Variants in RGS7 observed in about 807,000 individuals in gnomAD.
RGS7 encodes regulator of G protein signaling 7, also known as regulator of G-protein signaling 7.
In RGS7, 27 loss-of-function variants were observed where a neutral mutation model predicts 81.1. The observed-to-expected ratio is 0.33, with a 90% CI of 0.25 to 0.46. The LOEUF (loss-of-function observed/expected upper bound fraction) is 0.46, where lower values mean the gene tolerates loss of function less well. Among genes scored for constraint, RGS7 ranks in the 20% least tolerant of loss-of-function variants. The pLI is 1.00. For synonymous variants in RGS7, 208 were observed against 207.7 expected (o/e 1.00, Z -0.01); for missense variants, 396 against 607.4 (o/e 0.65, Z 3.66).
At chr1:241,110,167 T>C (rs2065418039) in intron 2 of RGS7, among the ~76,000 whole-genome samples, 2 of 152,192 alleles carry the variant, frequency 1.3e-5, no homozygotes, top group Middle Eastern at 3.2e-3. Context: ...TTATCTCTTT[T>C]TACAACCTTT....
intron 2 of RGS7, among the ~76,000 whole-genome samples, chr1:241,340,476 T>C: frequency 6.6e-6 from 1 of 152,142 alleles, no homozygotes; most frequent in East Asian, 1.9e-4. Flanking sequence ...CCTTAAAGAA[T>C]TTATAAGATT....
In RGS7 at chr1:241,090,703, A is replaced by G. The variant is rs534042329; in HGVS notation, c.175+7963T>C. Among the ~76,000 whole-genome samples, 38 of 152,352 alleles carry G rather than the reference A, an allele frequency of 2.5e-4. No individual in the cohort carries two copies. The South Asian group carries it at 7.9e-3, about 32-fold the overall frequency. On this transcript the variant is annotated intron_variant, in intron 3 of 18. Transcript: ENST00000440928. ...CTGGGTTCTCTGAATTATAGAATTTATGCAGAAAACAAACTTGGAGATCAT... is the reference window on the plus strand; with the variant it reads ...CTGGGTTCTCTGAATTATAGAATTTGTGCAGAAAACAAACTTGGAGATCAT...
chr1:241,333,509 G>A (rs541660247), intron 2 of RGS7, among the ~76,000 whole-genome samples: 7 of 152,120 alleles, frequency 4.6e-5, no homozygotes, highest in Non-Finnish European at 8.8e-5. Context: ...TTATAATCTT[G>A]GCTAAGTCTG....
intron 3 of RGS7, among the ~76,000 whole-genome samples, chr1:241,060,351 T>C (rs1042952927): frequency 4.6e-5 from 7 of 152,236 alleles, no homozygotes; most frequent in Admixed American, 4.6e-4. Context: ...AGATTGGGCA[T>C]ATCACTGTTA....
intron 6 of RGS7, among the ~76,000 whole-genome samples, chr1:240,871,664 C>G (rs2148035806): frequency 6.6e-6 from 1 of 152,264 alleles, no homozygotes; most frequent in African/African-American, 2.4e-5. Context: ...ATGCTCACTC[C>G]CGAAGGATCT....
intron 2 of RGS7, among the ~76,000 whole-genome samples, chr1:241,301,637 T>C (rs1189755240): frequency 2.0e-5 from 3 of 152,212 alleles, no homozygotes; most frequent in African/African-American, 4.8e-5. Context: ...TCATTAAAAA[T>C]TGTGAATTTA....
At chr1:240,812,777 A>G (rs1690093430) in intron 13 of RGS7, among the ~76,000 whole-genome samples, 1 of 152,156 alleles carries the variant, frequency 6.6e-6, no homozygotes, top group Non-Finnish European at 1.5e-5. Flanking sequence ...ATGCAGGTAT[A>G]TTGAACTGGG....
chr1:241,011,788 T>C (rs566009825), intron 3 of RGS7, among the ~76,000 whole-genome samples: 71 of 152,278 alleles, frequency 4.7e-4, no homozygotes, highest in African/African-American at 1.6e-3. Flanking sequence ...TTACAAAACA[T>C]AGTAATTAAG....
intron 10 of RGS7, among the ~76,000 whole-genome samples, chr1:240,826,412 G>A (rs955181073): frequency 3.3e-5 from 5 of 152,096 alleles, no homozygotes; most frequent in African/African-American, 9.7e-5. Flanking sequence ...GATGGCTAAC[G>A]AAATACTAAG....
At chr1:241,106,324 AT>A (rs2065093218) in intron 2 of RGS7, among the ~76,000 whole-genome samples, 1 of 152,180 alleles carries the variant, frequency 6.6e-6, no homozygotes, top group Non-Finnish European at 1.5e-5. Flanking sequence ...AAAAACTGCC[AT>A]TTTCATGAAT....
At chr1:240,972,141 A>G (rs930477969) in intron 4 of RGS7, among the ~76,000 whole-genome samples, 5 of 152,216 alleles carry the variant, frequency 3.3e-5, no homozygotes, top group Admixed American at 2.0e-4. Flanking sequence ...ACATTATGTA[A>G]TGTACCTTTG....
At position 240,936,581 on chromosome 1, in the gene RGS7, A is replaced by G. The variant is rs1676674191; in HGVS notation, c.333+19T>C. On this transcript the variant is annotated intron_variant, in intron 5 of 18. Coordinates refer to ENST00000440928, the MANE Select transcript of RGS7 (RefSeq NM_001364886.1). ...CGGGCTTCTAGTTTACTGTTAAAGA[A>G]CATTTCTAATAAACTTACTTGAAAC... 1 of 1,572,250 alleles carries G rather than the reference A, an allele frequency of 6.4e-7. No individual in the cohort carries two copies. The highest frequency in any genetic ancestry group is 1.3e-5 in the African/African-American group (1 of 74,236).
At chr1:241,055,746 G>A (rs1193423990) in intron 3 of RGS7, among the ~76,000 whole-genome samples, 2 of 152,150 alleles carry the variant, frequency 1.3e-5, no homozygotes, top group East Asian at 1.9e-4. Context: ...TCCCCCATAA[G>A]TGGGGAGTGG....
intron 2 of RGS7, among the ~76,000 whole-genome samples, chr1:241,245,600 A>T (rs1209484599): frequency 6.6e-6 from 1 of 151,966 alleles, no homozygotes; most frequent in Non-Finnish European, 1.5e-5. Context: ...TGAGGTCAGG[A>T]GTTCAAGACC....
intron 2 of RGS7, among the ~76,000 whole-genome samples, chr1:241,116,514 G>A (rs2065895421): frequency 6.6e-6 from 1 of 152,060 alleles, no homozygotes; most frequent in Non-Finnish European, 1.5e-5. Flanking sequence ...TGTGACACAA[G>A]ACCTGGCTTT....
At chr1:241,300,727 T>TTTTA (rs1486257459) in intron 2 of RGS7, among the ~76,000 whole-genome samples, 1 of 152,254 alleles carries the variant, frequency 6.6e-6, no homozygotes, top group African/African-American at 2.4e-5. Flanking sequence ...TAAACACTTG[T>TTTTA]GCACAGGTTT....
intron 2 of RGS7, among the ~76,000 whole-genome samples, chr1:241,184,848 C>A (rs920650161): frequency 2.0e-5 from 3 of 152,048 alleles, no homozygotes; most frequent in Non-Finnish European, 4.4e-5. Context: ...ATTTCAGGTT[C>A]CATGACAGAA....
At chr1:241,242,829 G>C (rs1039954939) in intron 2 of RGS7, among the ~76,000 whole-genome samples, 1 of 151,942 alleles carries the variant, frequency 6.6e-6, no homozygotes, top group Non-Finnish European at 1.5e-5. Context: ...TGATGAGATT[G>C]TTTGTTTTTT....
intron 10 of RGS7, among the ~76,000 whole-genome samples, chr1:240,826,624 T>C (rs768930817): frequency 6.6e-6 from 1 of 152,206 alleles, no homozygotes; most frequent in Non-Finnish European, 1.5e-5. Context: ...CTGTGCATTT[T>C]CAAAGGGTTA....
Sources: allele counts gnomAD v4.1 joint callset (sites outside exome capture counted in the v4.1 genomes callset), GRCh38; gene constraint gnomAD v4.1.1; transcripts MANE v1.5; gene names NCBI Gene and HGNC (gene_info 2026-07-23, HGNC 2026-07-21).